FOXN4: variants seen among roughly 807,000 people sequenced by gnomAD.
The protein encoded by FOXN4 is forkhead box N4, also known as forkhead box protein N4.
In FOXN4, 12 loss-of-function variants were observed where a neutral mutation model predicts 45.0. The ratio of observed to expected loss-of-function variants is 0.27; its 90% CI spans 0.17 to 0.43. The LOEUF (loss-of-function observed/expected upper bound fraction) is 0.43, where lower values mean the gene tolerates loss of function less well. Among genes scored for constraint, FOXN4 ranks in the 20% least tolerant of loss-of-function variants. The pLI, the probability that FOXN4 is intolerant of heterozygous loss-of-function variation, is 1.00. For missense variants in FOXN4, 560 were observed against 694.9 expected (o/e 0.81, Z 2.18); for synonymous variants, 297 against 295.0 (o/e 1.01, Z -0.07).
Position 109,279,736 on chromosome 12 carries a change from A to G in FOXN4, c.1489T>C (p.Ser497Pro), listed in dbSNP as rs763777336. The change falls in exon 10 of 10, where the codon TCG becomes CCG. Residue 497 changes from serine to proline, a missense_variant. By Grantham distance (74) the Ser-to-Pro change is moderately conservative (BLOSUM62 -1). Around this residue, in one of 5 missense-constraint regions of FOXN4, gnomAD observed 315 missense variants for 350.5 expected, o/e 0.90. Transcript: ENST00000299162. ...AYSTPDSVAA[S>P]GTSSSSQYLG... The stretch of plus-strand genomic sequence containing the variant: ...TACTGGGAGGAGGAGCTGGTGCCCG[A>G]TGCAGCCACACTGTCCGGAGTGGAG... 6 of 1,582,048 alleles carry G rather than the reference A, an allele frequency of 3.8e-6. No homozygotes were observed. In the Admixed American group the frequency reaches 1.1e-4, roughly 29 times the overall value.
In FOXN4 at chr12:109,287,932, C is replaced by T; in HGVS notation, c.380G>A (p.Gly127Asp). 1.3e-6 allele frequency: 2 copies of T among 1,548,766 alleles called. No individual in the cohort carries two copies. The highest frequency in any genetic ancestry group is 1.2e-5 in the South Asian group (1 of 83,996). ...RDSMSQFPVG[G>D]QPSSGLQDPP... is the part of the protein sequence containing the mutation. Reference sequence around the variant, plus strand: ...GTCCTGCAGGCCAGATGAGGGCTGGCCCCCCACGGGGAACTGGCTCATCTG... The same window carrying T: ...GTCCTGCAGGCCAGATGAGGGCTGGTCCCCCACGGGGAACTGGCTCATCTG... Residue 127 changes from glycine (G) to aspartate (D), a missense_variant, in exon 5 of 10, where the codon GGC (glycine) becomes GAC (aspartate). Physicochemically the swap from Gly to Asp is moderately conservative, Grantham distance 94. This residue lies in a region of FOXN4 where 142 missense variants were observed against 185.7 expected (regional missense o/e 0.76). Transcript: ENST00000299162. The surrounding 1 kb of genome is among the most constrained non-coding windows in gnomAD (Gnocchi z 4.1).
Position 109,288,744 on chromosome 12 carries a change from T to C in FOXN4, c.233-564A>G, listed in dbSNP as rs1160636172. Among the ~76,000 whole-genome samples, 1 of 152,212 alleles carries C rather than the reference T, an allele frequency of 6.6e-6. No homozygotes were observed. Among genetic ancestry groups the C allele is most frequent in the Admixed American group, 6.5e-5 (1 of 15,288 alleles). ...GCTTGTGACAGACATTGCTAATCTATCACAGATTCTTACTGCTCTAGCCTG... is the reference window on the plus strand; with the variant it reads ...GCTTGTGACAGACATTGCTAATCTACCACAGATTCTTACTGCTCTAGCCTG... On this transcript the variant is annotated intron_variant, in intron 3 of 9. Transcript: ENST00000299162. This position sits in a 1 kb window ranked among gnomAD's most constrained non-coding sequence, Gnocchi z 4.3.
rs71443850 is a variant in FOXN4 at position 109,285,274 on chromosome 12, T to TGTGTGTGTGCGCGCGC, written c.901+29_901+30insGCGCGCGCACACACAC. The stretch of plus-strand genomic sequence containing the variant: ...GTGTGTGTGTGTGTGTGTGTGTGTG[T>TGTGTGTGTGCGCGCGC]GCGCGCACTGCGGGCTGTCCGGCCC... On this transcript the variant is annotated intron_variant, in intron 8 of 9. Transcript: ENST00000299162. 7.8e-6 allele frequency: 12 copies of TGTGTGTGTGCGCGCGC among 1,539,940 alleles called. No homozygotes were observed. The African/African-American group carries it at 1.6e-4, about 20-fold the overall frequency.
chr12:109,295,316 GC>G (rs1331230389), intron 2 of FOXN4, among the ~76,000 whole-genome samples: 1 of 152,164 alleles, frequency 6.6e-6, no homozygotes, highest in Non-Finnish European at 1.5e-5. Flanking sequence ...GCACATTCTA[GC>G]CCCACTGCCC....
intron 2 of FOXN4, among the ~76,000 whole-genome samples, chr12:109,295,079 GATAATA>G (rs377188697): frequency 6.6e-6 from 1 of 152,018 alleles, no homozygotes; most frequent in East Asian, 1.9e-4. Context: ...GGGCATGAGT[GATAATA>G]ATAATAATAG....
At chr12:109,284,934 A>G (rs1336347574) in intron 8 of FOXN4, among the ~76,000 whole-genome samples, 1 of 113,882 alleles carries the variant, frequency 8.8e-6, no homozygotes, top group Non-Finnish European at 1.8e-5. Flanking sequence ...GCGTGCTGCA[A>G]GCTGTCTGGG....
Position 109,279,780 on chromosome 12 carries a change from G to T in FOXN4, c.1445C>A (p.Thr482Lys), listed in dbSNP as rs200708160. The T allele has an allele frequency of 1.4e-5, 23 of 1,604,394 alleles. No homozygotes were observed. The Admixed American group carries it at 3.4e-4, about 24-fold the overall frequency. Residue 482 changes from threonine (T) to lysine (K), a missense_variant, in exon 10 of 10, where the codon ACG becomes AAG. Thr to Lys is a moderately conservative substitution (Grantham distance 78). Coordinates refer to ENST00000299162, the MANE Select transcript of FOXN4 (RefSeq NM_213596.3). ...SDQSFPDLQV[T>K]GLYTAYSTPD... ...AGTGGAGTACGCTGTGTAGAGACCC[G>T]TCACCTGCAAGTCTGGGAAGGACTG...
rs1324713167 is a variant in FOXN4 at position 109,287,137 on chromosome 12, C to T, written c.596+260G>A. 6.6e-6 allele frequency among the ~76,000 whole-genome samples: 1 copy of T among 152,182 alleles called. No individual in the cohort carries two copies. The highest frequency in any genetic ancestry group is 1.5e-5 in the Non-Finnish European group (1 of 68,046). On this transcript the variant is annotated intron_variant, in intron 6 of 9. Coordinates refer to ENST00000299162, the MANE Select transcript of FOXN4 (RefSeq NM_213596.3). This position sits in a 1 kb window ranked among gnomAD's most constrained non-coding sequence, Gnocchi z 4.1. ...GGAAATCGAGGCTCAGAGAGGTCATCCCACTTCCCCAAGGCCACGTGGCTT... is the reference window on the plus strand; with the variant it reads ...GGAAATCGAGGCTCAGAGAGGTCATTCCACTTCCCCAAGGCCACGTGGCTT...
chr12:109,293,220 G>C (rs2047785225), intron 2 of FOXN4, among the ~76,000 whole-genome samples: 1 of 152,168 alleles, frequency 6.6e-6, no homozygotes. Context: ...AGCAGAGACT[G>C]GTTTGCTCCC....
rs1320129383 is a variant in FOXN4, at chr12:109,287,990, G to A, written c.358-36C>T. On this transcript the variant is annotated intron_variant, in intron 4 of 9. Transcript: ENST00000299162. This position sits in a 1 kb window ranked among gnomAD's most constrained non-coding sequence, Gnocchi z 4.1. ...GGAAGAGGAGGAGACAGAGGGTCAC[G>A]GTGGGGGTAGACACCCAGTCTGGAG... 16 of 1,549,506 alleles carry A rather than the reference G, an allele frequency of 1.0e-5. No individual in the cohort carries two copies. The highest frequency in any genetic ancestry group is 1.7e-4 in the Middle Eastern group (1 of 5,986).
In FOXN4 at chr12:109,278,705, G is replaced by A. The variant is rs946027221; in HGVS notation, c.*966C>T. On this transcript the variant is annotated 3_prime_UTR_variant, in exon 10 of 10. Transcript: ENST00000299162. ...ATTTTCCCCTTTGAAAGCCCCCCAA[G>A]CCCCCAAACAATGGCACCGCCCCTC... 6.6e-6 allele frequency: 1 copy of A among 151,124 alleles called. No individual in the cohort carries two copies. Among genetic ancestry groups the A allele is most frequent in the African/African-American group, 2.4e-5 (1 of 40,964 alleles). The allele number at this position is 151,124 out of a possible 1,614,324, so 9.4% of individuals were successfully genotyped here.
chr12:109,290,353 G>A lies in FOXN4; in HGVS notation c.87-67C>T, dbSNP rs1224413265. 16 of 1,460,550 alleles carry A rather than the reference G, an allele frequency of 1.1e-5. No individual in the cohort carries two copies. Among genetic ancestry groups the A allele is most frequent in the Admixed American group, 2.5e-5 (1 of 39,608 alleles). The allele number at this position is 1,460,550 out of a possible 1,614,324, so 90.5% of individuals were successfully genotyped here. On this transcript the variant is annotated intron_variant, in intron 2 of 9. Coordinates refer to ENST00000299162, the MANE Select transcript of FOXN4 (RefSeq NM_213596.3). The surrounding 1 kb of genome is among the most constrained non-coding windows in gnomAD (Gnocchi z 5.1). ...AGGCCAGCTCCTGGGGGTGCGTCCC[G>A]ACCTCTGGAAGCACCCGCTTAATGT...
chr12:109,307,321 C>T (rs867706204), intron 2 of FOXN4, among the ~76,000 whole-genome samples: 2 of 152,198 alleles, frequency 1.3e-5, no homozygotes, highest in Admixed American at 6.5e-5. Flanking sequence ...GTCCCCATTC[C>T]GTAATCTGGA....
intron 8 of FOXN4, 45 bp downstream of exon 8, chr12:109,285,259 G>T (rs763553448): frequency 6.5e-7 from 1 of 1,541,752 alleles, no homozygotes; most frequent in East Asian, 2.4e-5. Flanking sequence ...GTGTGTGTGT[G>T]TGTGTGTGTG....
Position 109,290,377 on chromosome 12 carries a change from G to A in FOXN4, c.87-91C>T. 2 of 1,420,342 alleles carry A rather than the reference G, an allele frequency of 1.4e-6. No individual in the cohort carries two copies. Among genetic ancestry groups the A allele is most frequent in the Non-Finnish European group, 1.9e-6 (2 of 1,071,832 alleles). The allele number at this position is 1,420,342 out of a possible 1,614,324, so 88.0% of individuals were successfully genotyped here. ...CGACCTCTGGAAGCACCCGCTTAAT[G>A]TGCCTCATCTCCCCAAGCCACGCCA... On this transcript the variant is annotated intron_variant, in intron 2 of 9. Transcript: ENST00000299162. This position sits in a 1 kb window ranked among gnomAD's most constrained non-coding sequence, Gnocchi z 5.1.
Position 109,281,556 on chromosome 12 carries a change from G to A in FOXN4, c.1145C>T (p.Pro382Leu), listed in dbSNP as rs2047652649. 13 of 1,610,466 alleles carry A rather than the reference G, an allele frequency of 8.1e-6. No homozygotes were observed. Among genetic ancestry groups the A allele is most frequent in the South Asian group, 1.1e-5 (1 of 90,690 alleles). ...GAGGTCCGGCAGGGCGTGCAGTGGC[G>A]GGGTCTGGGCTGGTGCTGGAGAGTC... ...APDSPAPAQT[P>L]PLHALPDLSP... Residue 382 changes from proline (P) to leucine (L), a missense_variant, in exon 9 of 10, where the codon CCG becomes CTG. Physicochemically the swap from Pro to Leu is moderately conservative, Grantham distance 98. Around this residue, in one of 5 missense-constraint regions of FOXN4, gnomAD observed 315 missense variants for 350.5 expected, o/e 0.90. Coordinates refer to ENST00000299162, the MANE Select transcript of FOXN4 (RefSeq NM_213596.3).
At chr12:109,284,492 CGGGCCTCTTGGCCATGCTCT>C (rs2047683520) in intron 8 of FOXN4, among the ~76,000 whole-genome samples, 1 of 151,722 alleles carries the variant, frequency 6.6e-6, no homozygotes, top group Non-Finnish European at 1.5e-5. Context: ...AGGGGCTGCC[CGGGCCTCTTGGCCATGCTCT>C]GGTGGATGGT....
chr12:109,294,910 T>C (rs1416447609), intron 2 of FOXN4, among the ~76,000 whole-genome samples: 1 of 152,072 alleles, frequency 6.6e-6, no homozygotes, highest in African/African-American at 2.4e-5. Context: ...TGCCCTCGCC[T>C]CTCCTGGTGC....
chr12:109,290,547 C>T lies in FOXN4; in HGVS notation c.87-261G>A, dbSNP rs75050678. On this transcript the variant is annotated intron_variant, in intron 2 of 9. Transcript: ENST00000299162. The surrounding 1 kb of genome is among the most constrained non-coding windows in gnomAD (Gnocchi z 5.1). Reference sequence around the variant, plus strand: ...GCACCTACCACATAAACAATGCACGCGAATATTTGTTGAGGACTTGACCAG... The same window carrying T: ...GCACCTACCACATAAACAATGCACGTGAATATTTGTTGAGGACTTGACCAG... Among the ~76,000 whole-genome samples, 67 of 152,294 alleles carry T rather than the reference C, an allele frequency of 4.4e-4. No homozygotes were observed. The highest frequency in any genetic ancestry group is 3.3e-3 in the South Asian group (16 of 4,820).
Sources: gnomAD v4.1 joint callset for allele counts (sites outside exome capture counted in the v4.1 genomes callset) on GRCh38, gnomAD v4.1.1 for gene constraint, gnomAD v4.1.1 regional missense constraint, Gnocchi (gnomAD v3.1) non-coding constraint, MANE v1.5 for transcripts, NCBI Gene and HGNC (gene_info 2026-07-23, HGNC 2026-07-21) for gene names.